The following LDLRAD3 variants were observed in gnomAD, a reference collection of about 807,000 sequenced individuals.
The protein encoded by LDLRAD3 is low-density lipoprotein receptor class A domain-containing protein 3.
A neutral mutation model predicts 29.4 loss-of-function variants in LDLRAD3; 20 were observed. The observed-to-expected ratio is 0.68, with a 90% CI of 0.48 to 0.99. LDLRAD3 has a LOEUF of 0.99. LDLRAD3 is among the 50% of genes least tolerant of loss of function. The pLI is 0.00. For missense variants in LDLRAD3, 420 were observed against 454.3 expected, an observed-to-expected ratio of 0.92 and a Z score of 0.69; for synonymous variants, 157 against 192.7, an observed-to-expected ratio of 0.81 and a Z score of 1.53.
intron 1 of LDLRAD3, among the ~76,000 whole-genome samples, chr11:35,963,956 A>G (rs2133138505): frequency 6.6e-6 from 1 of 152,260 alleles, no homozygotes; most frequent in East Asian, 1.9e-4. Context: ...ATATAGACCT[A>G]ATGTTGCTGG....
intron 1 of LDLRAD3, among the ~76,000 whole-genome samples, chr11:35,992,207 TG>T (rs1167734201): frequency 2.0e-5 from 3 of 152,202 alleles, no homozygotes; most frequent in African/African-American, 7.2e-5. Flanking sequence ...GGTGGCTGCA[TG>T]AACAAGAATG....
chr11:36,134,330 T>C (rs1052941640), intron 4 of LDLRAD3, among the ~76,000 whole-genome samples: 2 of 152,208 alleles, frequency 1.3e-5, no homozygotes, highest in African/African-American at 2.4e-5. Context: ...CATTAGGTAT[T>C]AATAAGCACT....
intron 1 of LDLRAD3, among the ~76,000 whole-genome samples, chr11:35,973,639 AT>A (rs75711682): frequency 0.087 from 12,614 of 144,852 alleles, 1,656 homozygotes; most frequent in African/African-American, 0.29. Context: ...TAATTTTTGT[AT>A]TTTTTTTTTT....
intron 1 of LDLRAD3, among the ~76,000 whole-genome samples, chr11:36,027,022 A>G (rs144926825): frequency 6.6e-6 from 1 of 152,164 alleles, no homozygotes; most frequent in African/African-American, 2.4e-5. Flanking sequence ...TCTTTCTTAC[A>G]TGAGATCCAA....
chr11:36,123,461 A>G (rs1853789615), intron 4 of LDLRAD3, among the ~76,000 whole-genome samples: 1 of 152,220 alleles, frequency 6.6e-6, no homozygotes, highest in South Asian at 2.1e-4. Context: ...TTAGAAGTAC[A>G]AAATCGCAAG....
At chr11:36,153,537 C>T (rs988119854) in intron 4 of LDLRAD3, among the ~76,000 whole-genome samples, 1 of 152,086 alleles carries the variant, frequency 6.6e-6, no homozygotes, top group South Asian at 2.1e-4. Context: ...TCTGGATTAC[C>T]TTGGTTGATC....
chr11:36,074,227 T>C (rs1852956632), intron 2 of LDLRAD3, among the ~76,000 whole-genome samples: 1 of 152,214 alleles, frequency 6.6e-6, no homozygotes, highest in African/African-American at 2.4e-5. Context: ...CGTACGTTCT[T>C]GGAGGCTGGA....
chr11:36,021,923 T>C (rs1245467170), intron 1 of LDLRAD3, among the ~76,000 whole-genome samples: 1 of 152,180 alleles, frequency 6.6e-6, no homozygotes, highest in Non-Finnish European at 1.5e-5. Flanking sequence ...GTGCTGAGAT[T>C]ACAGGCGTGA....
chr11:36,224,140 G>C (rs1855467458), intron 4 of LDLRAD3, among the ~76,000 whole-genome samples: 1 of 150,554 alleles, frequency 6.6e-6, no homozygotes, highest in African/African-American at 2.5e-5. Flanking sequence ...GTTGTTACAA[G>C]AAAGAACTAG....
chr11:36,148,982 T>C (rs940652885), intron 4 of LDLRAD3, among the ~76,000 whole-genome samples: 1 of 152,204 alleles, frequency 6.6e-6, no homozygotes, highest in African/African-American at 2.4e-5. Flanking sequence ...CATCCATCCA[T>C]TTAGCCAACT....
chr11:36,147,611 A>C (rs755965821), intron 4 of LDLRAD3, among the ~76,000 whole-genome samples: 4 of 152,210 alleles, frequency 2.6e-5, no homozygotes, highest in Non-Finnish European at 5.9e-5. Flanking sequence ...CCCCCTACAC[A>C]TAGTATCATG....
chr11:36,058,106 A>G (rs919617857), intron 2 of LDLRAD3, among the ~76,000 whole-genome samples: 2 of 152,220 alleles, frequency 1.3e-5, no homozygotes, highest in Non-Finnish European at 2.9e-5. Context: ...AGTGGCTCCC[A>G]GATTGCACAT....
intron 4 of LDLRAD3, among the ~76,000 whole-genome samples, chr11:36,162,661 C>T (rs975743518): frequency 6.6e-5 from 10 of 152,206 alleles, no homozygotes; most frequent in Non-Finnish European, 1.5e-4. Context: ...GCTTCTCAGA[C>T]TGGAGCTAAG....
chr11:36,153,576 A>G (rs12790641), intron 4 of LDLRAD3, among the ~76,000 whole-genome samples: 51,425 of 151,986 alleles, frequency 0.34, 9,512 homozygotes, highest in Non-Finnish European at 0.41. Context: ...TAAATTTGTC[A>G]TAAAGGTAGA....
chr11:36,128,817 C>T lies in LDLRAD3; in HGVS notation c.454+30356C>T, dbSNP rs539752404. Among the ~76,000 whole-genome samples the T allele has an allele frequency of 3.3e-5, 5 of 151,068 alleles. No individual in the cohort carries two copies. In the South Asian group the frequency reaches 1.1e-3, roughly 32 times the overall value. On this transcript the variant is annotated intron_variant, in intron 4 of 5. Coordinates refer to ENST00000315571, the MANE Select transcript of LDLRAD3 (RefSeq NM_174902.4). Reference sequence around the variant, plus strand: ...TGAGTGGAGATCACATTACTGCACTCCAGCCTGGGTAAGAGAGTGAGACTG... The same window carrying T: ...TGAGTGGAGATCACATTACTGCACTTCAGCCTGGGTAAGAGAGTGAGACTG...
chr11:36,201,011 G>A (rs901638875), intron 4 of LDLRAD3, among the ~76,000 whole-genome samples: 7 of 152,196 alleles, frequency 4.6e-5, no homozygotes, highest in Admixed American at 3.9e-4. Context: ...AACAGAGGGG[G>A]AGAAAGAAAT....
chr11:36,110,044 C>T (rs563379033), intron 4 of LDLRAD3: 2 of 152,158 alleles, frequency 1.3e-5, no homozygotes. Context: ...TGACTCCATT[C>T]GAAGAAACTG....
At chr11:36,112,846 G>A (rs939690339) in intron 4 of LDLRAD3, among the ~76,000 whole-genome samples, 1 of 152,152 alleles carries the variant, frequency 6.6e-6, no homozygotes, top group African/African-American at 2.4e-5. Context: ...TTCCTCAGAT[G>A]TTTTCCCAAA....
Position 36,210,807 on chromosome 11 carries a change from G to C in LDLRAD3, c.455-16278G>C, listed in dbSNP as rs771463878. On this transcript the variant is annotated intron_variant, in intron 4 of 5. Transcript: ENST00000315571. ...TCAGGTATTTCATAGCCAAGATTGAGACCAAGTTTGCCATTTCCTGTAGGA... is the reference window on the plus strand; with the variant it reads ...TCAGGTATTTCATAGCCAAGATTGACACCAAGTTTGCCATTTCCTGTAGGA... 6.0e-4 allele frequency among the ~76,000 whole-genome samples: 91 copies of C among 152,218 alleles called. 1 individual carries two copies. Among genetic ancestry groups the C allele is most frequent in the Non-Finnish European group, 1.1e-3 (75 of 68,044 alleles).
Sources: allele counts gnomAD v4.1 joint callset (sites outside exome capture counted in the v4.1 genomes callset), GRCh38; gene constraint gnomAD v4.1.1; transcripts MANE v1.5; gene names NCBI Gene and HGNC (gene_info 2026-07-23, HGNC 2026-07-21).